Variants in EPB41 observed in about 807,000 individuals in gnomAD.
The protein encoded by EPB41 is protein 4.1.
In EPB41, 65 loss-of-function variants were observed where a neutral mutation model predicts 108.0. That is an observed-to-expected ratio of 0.60 (90% CI 0.49 to 0.74). EPB41 has a LOEUF of 0.74. Ranked by LOEUF, EPB41 falls within the 30% of genes least tolerant of loss-of-function variation. EPB41 has a pLI of 0.00. For synonymous variants in EPB41, 336 were observed against 358.9 expected (o/e 0.94, Z 0.72); for missense variants, 875 against 1,037.0 (o/e 0.84, Z 2.15).
At chr1:28,891,033 A>C (rs963017032) in intron 1 of EPB41, 4 of 976,108 alleles carry the variant, frequency 4.1e-6, no homozygotes, top group Non-Finnish European at 4.9e-6. Context: ...AAAGGGGCAG[A>C]GGGAGCAACC....
chr1:29,068,686 G>T (rs752013360), intron 16 of EPB41: 4 of 1,153,472 alleles, frequency 3.5e-6, no homozygotes, highest in Non-Finnish European at 4.4e-6. Context: ...CGGTATTGTT[G>T]TTGCATTGCA....
chr1:28,919,484 G>A (rs2092919814), intron 1 of EPB41, among the ~76,000 whole-genome samples: 1 of 150,182 alleles, frequency 6.7e-6, no homozygotes, highest in Admixed American at 6.6e-5. Context: ...TTTTTTTTGA[G>A]GCAGGGTCTT....
At chr1:29,116,227 C>T (rs1030756452) in intron 20 of EPB41, among the ~76,000 whole-genome samples, 1 of 149,002 alleles carries the variant, frequency 6.7e-6, no homozygotes, top group African/African-American at 2.5e-5. Flanking sequence ...TCTTAGCTCA[C>T]TGCAACCTCC....
intron 1 of EPB41, among the ~76,000 whole-genome samples, chr1:28,961,956 G>A (rs1156696435): frequency 9.2e-5 from 14 of 151,468 alleles, no homozygotes; most frequent in Admixed American, 8.5e-4. Flanking sequence ...TGTATTTGCC[G>A]TTAAATTTTA....
intron 1 of EPB41, among the ~76,000 whole-genome samples, chr1:28,892,006 T>C (rs894513326): frequency 7.1e-6 from 1 of 140,818 alleles, no homozygotes; most frequent in African/African-American, 2.7e-5. Context: ...GGCAGGAGAA[T>C]CACTTGAACC....
At chr1:28,907,870 A>C (rs938082079) in intron 1 of EPB41, among the ~76,000 whole-genome samples, 1 of 151,064 alleles carries the variant, frequency 6.6e-6, no homozygotes, top group Non-Finnish European at 1.5e-5. Context: ...AGGTCTCACT[A>C]TGTTGCCTAG....
chr1:29,103,369 C>T (rs913871472), intron 17 of EPB41, among the ~76,000 whole-genome samples: 5 of 152,188 alleles, frequency 3.3e-5, no homozygotes, highest in African/African-American at 9.7e-5. Flanking sequence ...ATAAAGGCAG[C>T]GTGATATTCT....
chr1:29,000,919 A>G (rs1572218482), intron 4 of EPB41, among the ~76,000 whole-genome samples: 1 of 152,252 alleles, frequency 6.6e-6, no homozygotes, highest in Middle Eastern at 3.4e-3. Flanking sequence ...TAGGAACTTC[A>G]TTAGCACATG....
Position 28,923,143 on chromosome 1 carries a change from C to T in EPB41, c.-8+8375C>T, listed in dbSNP as rs1359633751. 2.4e-5 allele frequency among the ~76,000 whole-genome samples: 3 copies of T among 123,532 alleles called. No homozygotes were observed. The South Asian group carries it at 8.3e-4, about 34-fold the overall frequency. The allele number at this position is 123,532 out of a possible 152,430, so 81.0% of individuals were successfully genotyped here. ...TTTTTTTTTTTTTGAGATGGAGTCTCACTCTGTCACCCAGGCTGGAGTGCA... is the reference window on the plus strand; with the variant it reads ...TTTTTTTTTTTTTGAGATGGAGTCTTACTCTGTCACCCAGGCTGGAGTGCA... On this transcript the variant is annotated intron_variant, in intron 1 of 20. Transcript: ENST00000343067.
intron 16 of EPB41, among the ~76,000 whole-genome samples, chr1:29,083,758 A>T (rs1259363966): frequency 6.6e-6 from 1 of 152,222 alleles, no homozygotes; most frequent in Non-Finnish European, 1.5e-5. Flanking sequence ...GTATAAAGAC[A>T]TATGTTTTGC....
chr1:28,970,457 A>G (rs915711290), intron 1 of EPB41, among the ~76,000 whole-genome samples: 12 of 152,348 alleles, frequency 7.9e-5, no homozygotes, highest in East Asian at 5.8e-4. Flanking sequence ...ACTCTTAACT[A>G]AAACCCCTTT....
rs552941103 is a variant in EPB41 at position 29,119,064 on chromosome 1, C to T, written c.*2252C>T. The T allele has an allele frequency of 2.0e-5, 3 of 152,236 alleles. No individual in the cohort carries two copies. The highest frequency in any genetic ancestry group is 4.4e-5 in the Non-Finnish European group (3 of 68,062). 9.4% of individuals were successfully genotyped at this position (152,236 alleles called of 1,614,324 possible). A position where few individuals can be genotyped will look rare whatever the true frequency, so the allele number is the denominator to read the frequency against. On this transcript the variant is annotated 3_prime_UTR_variant, in exon 21 of 21. Coordinates refer to ENST00000343067, the MANE Select transcript of EPB41 (RefSeq NM_001376013.1). ...GCTTTCACAGCACAGGACCGTTCATCGGGGGCCTAAACGTTTCCCTCAGCT... is the reference window on the plus strand; with the variant it reads ...GCTTTCACAGCACAGGACCGTTCATTGGGGGCCTAAACGTTTCCCTCAGCT...
At chr1:28,901,417 G>A (rs1017421428) in intron 1 of EPB41, among the ~76,000 whole-genome samples, 11 of 151,110 alleles carry the variant, frequency 7.3e-5, no homozygotes, top group African/African-American at 2.4e-4. Flanking sequence ...TAGAGACAGC[G>A]TTTCACCATG....
At chr1:29,069,091 C>T (rs1273338384) in intron 16 of EPB41, 1 of 1,090,256 alleles carries the variant, frequency 9.2e-7, no homozygotes, top group East Asian at 3.2e-5. Flanking sequence ...TCTTTCTTCT[C>T]CCACTTTATT....
Position 28,956,701 on chromosome 1 carries a change from A to G in EPB41, c.-7-30730A>G, listed in dbSNP as rs189859886. 2.7e-4 allele frequency among the ~76,000 whole-genome samples: 41 copies of G among 152,352 alleles called. No individual in the cohort carries two copies. In the East Asian group the frequency reaches 7.5e-3, roughly 28 times the overall value. On this transcript the variant is annotated intron_variant, in intron 1 of 20. Coordinates refer to ENST00000343067, the MANE Select transcript of EPB41 (RefSeq NM_001376013.1). ...TTTATATTACTACAGAATAATTCAG[A>G]GTAAGAATCATCTAAAATATTATTT...
chr1:28,929,174 TACTTG>T (rs1025821810), intron 1 of EPB41, among the ~76,000 whole-genome samples: 1 of 152,124 alleles, frequency 6.6e-6, no homozygotes, highest in Non-Finnish European at 1.5e-5. Context: ...ATCTCACTGG[TACTTG>T]ACTTATACAT....
At chr1:28,984,523 A>G (rs2095829600) in intron 1 of EPB41, among the ~76,000 whole-genome samples, 1 of 152,192 alleles carries the variant, frequency 6.6e-6, no homozygotes, top group African/African-American at 2.4e-5. Context: ...TAGGTGCCTG[A>G]TAAGAATTTG....
intron 8 of EPB41, among the ~76,000 whole-genome samples, chr1:29,030,923 C>T (rs931683935): frequency 6.6e-6 from 1 of 152,082 alleles, no homozygotes; most frequent in Middle Eastern, 3.4e-3. Flanking sequence ...CCCAGGTTCA[C>T]GCCATTCTCC....
intron 1 of EPB41, among the ~76,000 whole-genome samples, chr1:28,975,228 G>C (rs1259562827): frequency 6.6e-6 from 1 of 152,114 alleles, no homozygotes; most frequent in Admixed American, 6.5e-5. Flanking sequence ...TACCGTGCCC[G>C]GCCTTATTTT....
Sources: allele counts gnomAD v4.1 joint callset (sites outside exome capture counted in the v4.1 genomes callset), GRCh38; gene constraint gnomAD v4.1.1; transcripts MANE v1.5; gene names NCBI Gene and HGNC (gene_info 2026-07-23, HGNC 2026-07-21).